The following EP400 variants were observed in gnomAD, a reference collection of about 807,000 sequenced individuals.
EP400 encodes the protein E1A binding protein p400.
In EP400, 105 loss-of-function variants were observed where a neutral mutation model predicts 354.1. The observed-to-expected ratio is 0.30, with a 90% CI of 0.25 to 0.35. The LOEUF (loss-of-function observed/expected upper bound fraction) is 0.35. Ranked by LOEUF, EP400 falls within the 10% of genes least tolerant of loss-of-function variation. EP400 has a pLI of 1.00. For missense variants in EP400, 3,280 were observed against 4,121.0 expected (o/e 0.80, Z 5.59); for synonymous variants, 1,646 against 1,716.9 (o/e 0.96, Z 1.02).
Position 132,050,708 on chromosome 12 carries a change from G to A in EP400, c.7394+53G>A. On this transcript the variant is annotated intron_variant, in intron 41 of 52. Transcript: ENST00000389561. This position sits in a 1 kb window ranked among gnomAD's most constrained non-coding sequence, Gnocchi z 4.8. ...TACTGTTTGGAAGGATTTCATTCCA[G>A]TGTCATCTAAGTTCAGTGAGTTCAG... 2.5e-6 allele frequency: 4 copies of A among 1,601,550 alleles called. No homozygotes were observed. The highest frequency in any genetic ancestry group is 3.4e-6 in the Non-Finnish European group (4 of 1,168,808).
Position 132,043,360 on chromosome 12 carries a change from G to C in EP400, c.6264G>C (p.Gly2088=), listed in dbSNP as rs759689213. ...EEDAQKSAQE[G]VLGPHTDALS... ...ATGCCCAGAAGTCCGCACAGGAGGG[G>C]GTGCTGGGACCACACACTGATGCTC... Residue 2088 remains glycine (G), a synonymous_variant, in exon 33 of 53, where the codon GGG becomes GGC. Coordinates refer to ENST00000389561, the MANE Select transcript of EP400 (RefSeq NM_015409.5). 5 of 1,614,098 alleles carry C rather than the reference G, an allele frequency of 3.1e-6. No individual in the cohort carries two copies. Among genetic ancestry groups the C allele is most frequent in the Non-Finnish European group, 8.5e-7 (1 of 1,180,038 alleles).
At chr12:131,987,948 C>T (rs1384419531) in intron 7 of EP400, 58 bp downstream of exon 7, 6 of 1,366,614 alleles carry the variant, frequency 4.4e-6, no homozygotes, top group African/African-American at 3.0e-5. Context: ...CTTGAGTTTG[C>T]AGTGGTGTAA....
rs77087257 is a variant in EP400 at position 131,988,329 on chromosome 12, G to A, written c.2409+439G>A. 1.2e-4 allele frequency among the ~76,000 whole-genome samples: 18 copies of A among 152,340 alleles called. No homozygotes were observed. In the East Asian group the frequency reaches 3.5e-3, roughly 29 times the overall value. On this transcript the variant is annotated intron_variant, in intron 7 of 52. Coordinates refer to ENST00000389561, the MANE Select transcript of EP400 (RefSeq NM_015409.5). ...CCTGTGCTCAGTGCTCACCCACTAAGCAATGATGTGGATTTAGCTTCATTT... is the reference window on the plus strand; with the variant it reads ...CCTGTGCTCAGTGCTCACCCACTAAACAATGATGTGGATTTAGCTTCATTT...
chr12:132,074,378 T>A (rs1332670693), intron 51 of EP400, among the ~76,000 whole-genome samples: 1 of 152,198 alleles, frequency 6.6e-6, no homozygotes, highest in Non-Finnish European at 1.5e-5. Flanking sequence ...TGTCTTTGTC[T>A]TTGTTGTTTT....
In EP400 at chr12:132,036,296, T is replaced by C. The variant is rs142667099; in HGVS notation, c.5952-1386T>C. 2.1e-3 allele frequency among the ~76,000 whole-genome samples: 274 copies of C among 128,602 alleles called. 3 individuals are homozygous for C. The East Asian group carries it at 0.058, about 27-fold the overall frequency. The allele number at this position is 128,602 out of a possible 152,430, so 84.4% of individuals were successfully genotyped here. A position where few individuals can be genotyped will look rare whatever the true frequency, so the allele number is the denominator to read the frequency against. On this transcript the variant is annotated intron_variant, in intron 30 of 52. Coordinates refer to ENST00000389561, the MANE Select transcript of EP400 (RefSeq NM_015409.5). ...AGGACACACCCAGGTTCGCACGGAATGTCGTGGAAGCACACACCCAGGTTC... is the reference window on the plus strand; with the variant it reads ...AGGACACACCCAGGTTCGCACGGAACGTCGTGGAAGCACACACCCAGGTTC...
At chr12:132,003,929 G>A (rs1210436285) in intron 12 of EP400, among the ~76,000 whole-genome samples, 1 of 152,220 alleles carries the variant, frequency 6.6e-6, no homozygotes, top group African/African-American at 2.4e-5. Flanking sequence ...GGCATTTGTT[G>A]TTTTGGCTCA....
intron 2 of EP400, among the ~76,000 whole-genome samples, chr12:131,970,929 C>T (rs1353673513): frequency 2.0e-5 from 3 of 152,146 alleles, no homozygotes; most frequent in Admixed American, 6.5e-5. Context: ...ACAGGCTGGG[C>T]GCTTTGGCTC....
rs760125901 is a variant in EP400 at position 131,961,951 on chromosome 12, C to G, written c.1332C>G (p.Asp444Glu). The G allele has an allele frequency of 4.3e-6, 7 of 1,610,024 alleles. 1 individual carries two copies. In the South Asian group the frequency reaches 4.4e-5, roughly 10 times the overall value. The change falls in exon 2 of 53, where the codon GAC becomes GAG. Residue 444 changes from aspartate (D) to glutamate (E), a missense_variant. Physicochemically the swap from Asp to Glu is conservative, Grantham distance 45. This residue lies in a region of EP400 where 800 missense variants were observed against 840.0 expected (regional missense o/e 0.95). Coordinates refer to ENST00000389561, the MANE Select transcript of EP400 (RefSeq NM_015409.5). ...AAGAAAAATCTGAGGTTATCAATGACGAGGTAAGAAACAGGAGTTAATTTG... is the reference window on the plus strand; with the variant it reads ...AAGAAAAATCTGAGGTTATCAATGAGGAGGTAAGAAACAGGAGTTAATTTG... ...EEEEKSEVINDEQQALAGSLV... is the reference protein window; with the variant it reads ...EEEEKSEVINEEQQALAGSLV...
chr12:132,005,230 C>T (rs749898475), intron 13 of EP400, 46 bp downstream of exon 13: 21 of 1,376,430 alleles, frequency 1.5e-5, no homozygotes, highest in East Asian at 2.6e-5. Flanking sequence ...AAGCAGAAGC[C>T]GGAGTACTTA....
intron 2 of EP400, among the ~76,000 whole-genome samples, chr12:131,975,401 G>A (rs867621363): frequency 7.9e-5 from 12 of 152,162 alleles, no homozygotes; most frequent in African/African-American, 2.9e-4. Context: ...TTCTTGGTGC[G>A]CAGCTCAGTT....
chr12:132,076,447 G>T, intron 51 of EP400, 69 bp from the exon 52 acceptor site: 1 of 1,496,368 alleles, frequency 6.7e-7, no homozygotes, highest in South Asian at 1.2e-5. Context: ...GACAGAAAGG[G>T]AGGAAAAATC....
At chr12:131,985,451 G>T (rs999584956) in intron 5 of EP400, among the ~76,000 whole-genome samples, 2 of 152,202 alleles carry the variant, frequency 1.3e-5, no homozygotes, top group African/African-American at 4.8e-5. Flanking sequence ...CAGAGAGAGT[G>T]TGCTCTAGCG....
intron 2 of EP400, among the ~76,000 whole-genome samples, chr12:131,979,342 T>C (rs1208868946): frequency 1.3e-5 from 2 of 152,238 alleles, no homozygotes; most frequent in Non-Finnish European, 2.9e-5. Context: ...TGCTGGGCAG[T>C]GTGACTGATG....
At chr12:131,995,361 A>G (rs1275665519) in intron 12 of EP400, among the ~76,000 whole-genome samples, 2 of 151,438 alleles carry the variant, frequency 1.3e-5, no homozygotes, top group African/African-American at 2.4e-5. Flanking sequence ...CTTCATACCA[A>G]CGAATCCCAC....
At position 132,023,705 on chromosome 12, in the gene EP400, G is replaced by A. The variant is rs117585773; in HGVS notation, c.4691-72G>A. 13,700 of 1,512,858 alleles carry A rather than the reference G, an allele frequency of 9.1e-3. 366 individuals are homozygous for A. Among genetic ancestry groups the A allele is most frequent in the South Asian group, 0.079 (6,476 of 82,374 alleles). The allele number at this position is 1,512,858 out of a possible 1,614,324, so 93.7% of individuals were successfully genotyped here. ...TAGATGGTCATTATATACAAGAAACGACTGTCAATATGACACTCCCAAATT... is the reference window on the plus strand; with the variant it reads ...TAGATGGTCATTATATACAAGAAACAACTGTCAATATGACACTCCCAAATT... On this transcript the variant is annotated intron_variant, in intron 23 of 52. Coordinates refer to ENST00000389561, the MANE Select transcript of EP400 (RefSeq NM_015409.5).
At position 131,990,063 on chromosome 12, in the gene EP400, A is replaced by G. The variant is rs1566175744; in HGVS notation, c.2509A>G (p.Thr837Ala). Residue 837 changes from threonine (T) to alanine (A), a missense_variant, in exon 8 of 53, where the codon ACG becomes GCG. Transcript: ENST00000389561. This position sits in a 1 kb window ranked among gnomAD's most constrained non-coding sequence, Gnocchi z 4.2. ...QSRLRRIAAS[T>A]AREIECFWSN... ...CAGACTGAGGCGGATAGCCGCCTCC[A>G]CGGCCCGGGAGATAGAGTGCTTTTG... 6.2e-7 allele frequency: 1 copy of G among 1,612,806 alleles called. No individual in the cohort carries two copies. Among genetic ancestry groups the G allele is most frequent in the East Asian group, 2.2e-5 (1 of 44,862 alleles).
At position 132,077,538 on chromosome 12, in the gene EP400, C is replaced by A; in HGVS notation, c.9237C>A (p.Ala3079=). ...IQQQVVTTAS[A]PLQTPGAPNP... The stretch of plus-strand genomic sequence containing the variant: ...AGCAGGTGGTGACCACGGCGTCGGC[C>A]CCGCTCCAGACTCCAGGCGCTCCCA... The change falls in exon 53 of 53, where the codon GCC becomes GCA. Residue 3079 remains alanine, a synonymous_variant. Transcript: ENST00000389561. The A allele has an allele frequency of 6.2e-7, 1 of 1,613,916 alleles. No individual in the cohort carries two copies. The highest frequency in any genetic ancestry group is 8.5e-7 in the Non-Finnish European group (1 of 1,180,014).
Position 132,078,375 on chromosome 12 carries a change from G to A in EP400, c.*702G>A, listed in dbSNP as rs955111564. On this transcript the variant is annotated 3_prime_UTR_variant, in exon 53 of 53. Coordinates refer to ENST00000389561, the MANE Select transcript of EP400 (RefSeq NM_015409.5). ...AGCAGCCAACAGTGGCCTCCCCCAG[G>A]CCCTACCCTGCAATGGGATTCGCTT... 2.6e-5 allele frequency: 4 copies of A among 152,344 alleles called. No individual in the cohort carries two copies. Among genetic ancestry groups the A allele is most frequent in the African/African-American group, 9.6e-5 (4 of 41,462 alleles). The allele number at this position is 152,344 out of a possible 1,614,324, so 9.4% of individuals were successfully genotyped here. A position where few individuals can be genotyped will look rare whatever the true frequency, so the allele number is the denominator to read the frequency against.
chr12:132,010,947 A>C lies in EP400; in HGVS notation c.3305-551A>C, dbSNP rs534563844. Reference sequence around the variant, plus strand: ...ACAAGAGCAACACTCCATCTTAAAAAAAACAAAATCTTAGTTTTCTGAAGA... The same window carrying C: ...ACAAGAGCAACACTCCATCTTAAAACAAACAAAATCTTAGTTTTCTGAAGA... On this transcript the variant is annotated intron_variant, in intron 15 of 52. Transcript: ENST00000389561. Among the ~76,000 whole-genome samples the C allele has an allele frequency of 2.9e-3, 447 of 152,366 alleles. 4 individuals carry two copies. Among genetic ancestry groups the C allele is most frequent in the African/African-American group, 0.01 (433 of 41,590 alleles).
Sources: allele counts gnomAD v4.1 joint callset (sites outside exome capture counted in the v4.1 genomes callset), GRCh38; gene constraint gnomAD v4.1.1; regional missense constraint gnomAD v4.1.1; non-coding constraint Gnocchi (gnomAD v3.1); transcripts MANE v1.5; gene names NCBI Gene and HGNC (gene_info 2026-07-23, HGNC 2026-07-21).